TMEM117: variants seen among roughly 807,000 people sequenced by gnomAD.
TMEM117 encodes the protein transmembrane protein 117.
A neutral mutation model predicts 52.4 loss-of-function variants in TMEM117; 27 were observed. The observed-to-expected ratio is 0.51, with a 90% CI of 0.38 to 0.71. The LOEUF is 0.71. Ranked by LOEUF, TMEM117 falls within the 30% of genes least tolerant of loss-of-function variation. The pLI is 0.00. For synonymous variants in TMEM117, 215 were observed against 206.3 expected (o/e 1.04, Z -0.36); for missense variants, 556 against 630.5 (o/e 0.88, Z 1.26).
At position 44,376,585 on chromosome 12, in the gene TMEM117, T is replaced by C; in HGVS notation, c.769-10T>C. On this transcript the variant is annotated splice_polypyrimidine_tract_variant and intron_variant, in intron 6 of 7. Transcript: ENST00000266534. The stretch of plus-strand genomic sequence containing the variant: ...AATCACAAATGTTTTTATTTGATTT[T>C]CTCTGACAGGACTGGGAATTCCCAC... The C allele has an allele frequency of 5.7e-6, 9 of 1,590,768 alleles. No homozygotes were observed. Among genetic ancestry groups the C allele is most frequent in the Non-Finnish European group, 7.7e-6 (9 of 1,171,304 alleles).
chr12:43,821,264 C>T, the TMEM117 span, among the ~76,000 whole-genome samples: 3 of 152,014 alleles, frequency 2.0e-5, no homozygotes, highest in Admixed American at 6.6e-5. Flanking sequence ...AATCTTCTGC[C>T]TTAGCAAAAA....
At chr12:44,301,059 T>G (rs1643433) in intron 6 of TMEM117, among the ~76,000 whole-genome samples, 4,146 of 152,326 alleles carry the variant, frequency 0.027, 176 homozygotes, top group African/African-American at 0.09. Flanking sequence ...GGCCTACTGA[T>G]ACCTCTCTGA....
intron 6 of TMEM117, among the ~76,000 whole-genome samples, chr12:44,326,622 G>A: frequency 6.6e-6 from 1 of 152,170 alleles, no homozygotes; most frequent in Non-Finnish European, 1.5e-5. Flanking sequence ...CTGAAATTCA[G>A]GGCATCAAAT....
intron 2 of TMEM117, among the ~76,000 whole-genome samples, chr12:43,851,696 C>T (rs1008883588): frequency 3.9e-5 from 6 of 152,066 alleles, no homozygotes; most frequent in Admixed American, 6.5e-5. Context: ...ATCAGGACCA[C>T]GGAAAAGGCA....
At chr12:43,961,150 A>C (rs536179527) in intron 3 of TMEM117, among the ~76,000 whole-genome samples, 1 of 152,316 alleles carries the variant, frequency 6.6e-6, no homozygotes, top group East Asian at 1.9e-4. Flanking sequence ...AATAAATGCA[A>C]AACAATTGGT....
In TMEM117 at chr12:44,346,185, T is replaced by C. The variant is rs528352620; in HGVS notation, c.769-30410T>C. ...ACAAGACTTCTATTATTGTATCCAC[T>C]GCTTTCCTTTAATTAAGCTCTTGAA... On this transcript the variant is annotated intron_variant, in intron 6 of 7. Coordinates refer to ENST00000266534, the MANE Select transcript of TMEM117 (RefSeq NM_032256.3). Among the ~76,000 whole-genome samples, 5 of 152,280 alleles carry C rather than the reference T, an allele frequency of 3.3e-5. No homozygotes were observed. The South Asian group carries it at 1.0e-3, about 32-fold the overall frequency.
At chr12:43,796,906 C>T in the TMEM117 span, 47 of 1,428,406 alleles carry the variant, frequency 3.3e-5, no homozygotes, top group East Asian at 4.6e-5. Flanking sequence ...AATCACAGTA[C>T]ATCATAAACT....
chr12:44,041,906 G>T (rs1346237291), intron 3 of TMEM117, among the ~76,000 whole-genome samples: 1 of 152,106 alleles, frequency 6.6e-6, no homozygotes, highest in Non-Finnish European at 1.5e-5. Flanking sequence ...GCTTTCAAAA[G>T]CTGGAAGCAT....
intron 3 of TMEM117, chr12:44,083,691 A>G (rs2138020931): frequency 6.6e-6 from 1 of 152,236 alleles, no homozygotes; most frequent in South Asian, 2.1e-4. Flanking sequence ...GGTATAAACT[A>G]CTGCACCTGG....
intron 5 of TMEM117, among the ~76,000 whole-genome samples, chr12:44,222,819 A>G (rs1949806295): frequency 6.6e-6 from 1 of 152,160 alleles, no homozygotes; most frequent in Admixed American, 6.5e-5. Context: ...TCCAAAACAG[A>G]ATCCCCATTA....
At chr12:44,271,606 A>C (rs1950446649) in intron 5 of TMEM117, among the ~76,000 whole-genome samples, 1 of 152,112 alleles carries the variant, frequency 6.6e-6, no homozygotes, top group East Asian at 1.9e-4. Context: ...TCCACTTAAA[A>C]TTGTTTAAGG....
At chr12:43,873,714 GTTTTA>G (rs1026690295) in intron 2 of TMEM117, among the ~76,000 whole-genome samples, 16 of 150,252 alleles carry the variant, frequency 1.1e-4, no homozygotes, top group East Asian at 2.0e-4. Flanking sequence ...TAATTTTTTC[GTTTTA>G]TTTTATTTTA....
intron 6 of TMEM117, among the ~76,000 whole-genome samples, chr12:44,326,176 TTTTTG>T (rs1401630526): frequency 1.4e-3 from 217 of 151,722 alleles, no homozygotes; most frequent in African/African-American, 5.2e-3. Flanking sequence ...TTTGTTTTTG[TTTTTG>T]TTTTTGTTTT....
intron 3 of TMEM117, among the ~76,000 whole-genome samples, chr12:43,972,356 A>C (rs1226490591): frequency 1.3e-5 from 2 of 152,212 alleles, no homozygotes; most frequent in Non-Finnish European, 2.9e-5. Flanking sequence ...ACTGACTTCA[A>C]GAATGAAGCC....
chr12:44,249,521 C>G (rs1006533794), intron 5 of TMEM117, among the ~76,000 whole-genome samples: 1 of 152,144 alleles, frequency 6.6e-6, no homozygotes, highest in Non-Finnish European at 1.5e-5. Context: ...CAAAAAAGAG[C>G]CTGTGTAGCC....
intron 6 of TMEM117, among the ~76,000 whole-genome samples, chr12:44,355,282 A>G (rs1317450424): frequency 2.0e-5 from 3 of 152,064 alleles, no homozygotes; most frequent in African/African-American, 4.8e-5. Context: ...ATAATGGGAT[A>G]GTGTTTTGAG....
chr12:44,187,340 A>G (rs59152420), intron 4 of TMEM117, among the ~76,000 whole-genome samples: 20,508 of 152,102 alleles, frequency 0.13, 1,650 homozygotes, highest in Middle Eastern at 0.24. Flanking sequence ...TTTTTAAAAA[A>G]TATACTATTT....
At chr12:43,948,700 C>CTT (rs531432568) in intron 3 of TMEM117, among the ~76,000 whole-genome samples, 1 of 151,374 alleles carries the variant, frequency 6.6e-6, no homozygotes, top group Non-Finnish European at 1.5e-5. Context: ...TGAGTAACTT[C>CTT]TTTTTTTTTA....
At chr12:43,819,110 A>C in the TMEM117 span, among the ~76,000 whole-genome samples, 1 of 152,164 alleles carries the variant, frequency 6.6e-6, no homozygotes, top group Admixed American at 6.5e-5. Flanking sequence ...CACCAAATAC[A>C]TGGCGGAGGG....
Sources: gnomAD v4.1 joint callset for allele counts (sites outside exome capture counted in the v4.1 genomes callset) on GRCh38, gnomAD v4.1.1 for gene constraint, MANE v1.5 for transcripts, NCBI Gene and HGNC (gene_info 2026-07-23, HGNC 2026-07-21) for gene names.